The following RPS6KC1 variants were observed in gnomAD, a reference collection of about 807,000 sequenced individuals.
RPS6KC1 encodes ribosomal protein S6 kinase C1, also known as inactive ribosomal protein S6 kinase delta-1.
RPS6KC1 carries 54 observed loss-of-function variants against 103.8 expected under a neutral mutation model. That is an observed-to-expected ratio of 0.52 (90% CI 0.42 to 0.65). RPS6KC1 has a LOEUF of 0.65. RPS6KC1 is among the 30% of genes least tolerant of loss of function. The probability of loss-of-function intolerance (pLI) is 0.00; values close to 1 mark genes in which losing one functional copy is unlikely to be tolerated. For synonymous variants in RPS6KC1, 439 were observed against 438.7 expected, an observed-to-expected ratio of 1.00 and a Z score of -0.01; for missense variants, 1,151 against 1,253.8, an observed-to-expected ratio of 0.92 and a Z score of 1.24.
At chr1:213,618,972 G>A in the RPS6KC1 span, among the ~76,000 whole-genome samples, 4 of 152,182 alleles carry the variant, frequency 2.6e-5, no homozygotes, top group Non-Finnish European at 4.4e-5. Context: ...CGACACACAC[G>A]TGGCTTATGA....
At chr1:213,204,780 T>C (rs983875575) in intron 8 of RPS6KC1, among the ~76,000 whole-genome samples, 3 of 152,048 alleles carry the variant, frequency 2.0e-5, no homozygotes, top group African/African-American at 7.2e-5. Context: ...TATGCCAGCA[T>C]GCCTGGCTAA....
At chr1:213,172,669 G>A (rs947688567) in intron 7 of RPS6KC1, among the ~76,000 whole-genome samples, 1 of 152,126 alleles carries the variant, frequency 6.6e-6, no homozygotes, top group Non-Finnish European at 1.5e-5. Flanking sequence ...GCTGCCAAGA[G>A]CATTGTATTG....
the RPS6KC1 span, among the ~76,000 whole-genome samples, chr1:213,590,746 C>G: frequency 2.0e-5 from 3 of 151,640 alleles, no homozygotes; most frequent in Non-Finnish European, 4.4e-5. Flanking sequence ...CTAGGACTGC[C>G]TGTTGGCAGT....
chr1:213,592,776 C>T, the RPS6KC1 span, among the ~76,000 whole-genome samples: 8 of 152,112 alleles, frequency 5.3e-5, no homozygotes, highest in Non-Finnish European at 1.0e-4. Flanking sequence ...TCCTGAGATA[C>T]AGTAGTGGAC....
the RPS6KC1 span, among the ~76,000 whole-genome samples, chr1:213,694,002 C>T: frequency 1.3e-5 from 2 of 152,202 alleles, no homozygotes; most frequent in Non-Finnish European, 2.9e-5. Context: ...CAATTTGAAA[C>T]AATAGCTCAG....
At chr1:213,442,286 G>A in the RPS6KC1 span, among the ~76,000 whole-genome samples, 5 of 152,154 alleles carry the variant, frequency 3.3e-5, no homozygotes, top group East Asian at 9.6e-4. Flanking sequence ...TTGAAGGCAG[G>A]GACTTTGTCC....
chr1:213,733,544 G>GTTTTTTTTTTTTTTTTTTTTTTTTTT, the RPS6KC1 span, among the ~76,000 whole-genome samples: 2 of 100,234 alleles, frequency 2.0e-5, 1 homozygote. Flanking sequence ...GCTATTTTTA[G>GTTTTTTTTTTTTTTTTTTTTTTTTTT]TTTGTTTTTT....
intron 2 of RPS6KC1, among the ~76,000 whole-genome samples, chr1:213,076,554 A>T (rs2079355790): frequency 6.6e-6 from 1 of 152,070 alleles, no homozygotes; most frequent in South Asian, 2.1e-4. Flanking sequence ...TATTTTCTAG[A>T]GATTGAGGGG....
At chr1:213,086,537 A>G (rs1316492790) in intron 3 of RPS6KC1, among the ~76,000 whole-genome samples, 1 of 152,202 alleles carries the variant, frequency 6.6e-6, no homozygotes, top group Non-Finnish European at 1.5e-5. Context: ...TCCTCAATCT[A>G]GGCATTCCTA....
chr1:213,304,339 C>T, the RPS6KC1 span, among the ~76,000 whole-genome samples: 1 of 151,862 alleles, frequency 6.6e-6, no homozygotes, highest in Admixed American at 6.6e-5. Flanking sequence ...AAACTGCTTT[C>T]TCTAATTTAA....
the RPS6KC1 span, among the ~76,000 whole-genome samples, chr1:213,782,675 A>C: frequency 6.6e-6 from 1 of 152,158 alleles, no homozygotes; most frequent in Non-Finnish European, 1.5e-5. Context: ...GGAGAAAGAG[A>C]AACAGAGAAA....
the RPS6KC1 span, among the ~76,000 whole-genome samples, chr1:213,342,768 A>T: frequency 6.6e-6 from 1 of 152,314 alleles, no homozygotes; most frequent in South Asian, 2.1e-4. Flanking sequence ...TATTTGGGAA[A>T]AATCATAAGG....
chr1:213,084,156 T>C (rs553746661), intron 3 of RPS6KC1, among the ~76,000 whole-genome samples: 2 of 152,142 alleles, frequency 1.3e-5, no homozygotes, highest in Admixed American at 6.5e-5. Context: ...TTCCCTCTCT[T>C]CCTCTGTCTC....
At chr1:213,265,952 C>T (rs1258193062) in intron 14 of RPS6KC1, among the ~76,000 whole-genome samples, 2 of 152,176 alleles carry the variant, frequency 1.3e-5, no homozygotes, top group African/African-American at 2.4e-5. Context: ...TACTTAATTT[C>T]CCTGAGCTTC....
the RPS6KC1 span, among the ~76,000 whole-genome samples, chr1:213,581,069 C>G: frequency 6.6e-6 from 1 of 151,942 alleles, no homozygotes; most frequent in African/African-American, 2.4e-5. Context: ...GTCTTGGAAC[C>G]AATCCCACAT....
intron 4 of RPS6KC1, among the ~76,000 whole-genome samples, chr1:213,113,809 A>C (rs2083285035): frequency 6.6e-6 from 1 of 152,112 alleles, no homozygotes; most frequent in Non-Finnish European, 1.5e-5. Flanking sequence ...CCATTTATTA[A>C]ATAGGGAATC....
intron 8 of RPS6KC1, among the ~76,000 whole-genome samples, chr1:213,229,754 G>C (rs1356938306): frequency 6.6e-6 from 1 of 152,122 alleles, no homozygotes; most frequent in Admixed American, 6.6e-5. Context: ...GTCATTTTAT[G>C]GGCTTAAGCT....
At chr1:213,358,820 A>T in the RPS6KC1 span, among the ~76,000 whole-genome samples, 2 of 152,164 alleles carry the variant, frequency 1.3e-5, no homozygotes, top group East Asian at 3.8e-4. Context: ...TGTACCCAGT[A>T]GTCATTCAGG....
the RPS6KC1 span, among the ~76,000 whole-genome samples, chr1:213,329,653 C>T: frequency 5.3e-5 from 8 of 152,062 alleles, no homozygotes; most frequent in South Asian, 2.1e-4. Context: ...CCCCGGCTGG[C>T]GGAGATAGCT....
Sources: gnomAD v4.1 joint callset for allele counts (sites outside exome capture counted in the v4.1 genomes callset) on GRCh38, gnomAD v4.1.1 for gene constraint, MANE v1.5 for transcripts, NCBI Gene and HGNC (gene_info 2026-07-23, HGNC 2026-07-21) for gene names.